CPNE3: variants seen among roughly 807,000 people sequenced by gnomAD.
CPNE3 encodes the protein copine-3.
CPNE3 carries 68 observed loss-of-function variants against 63.9 expected under a neutral mutation model. That is an observed-to-expected ratio of 1.06 (90% CI 0.87 to 1.30). The LOEUF is 1.30. Among genes scored for constraint, CPNE3 ranks in the 50% most tolerant of loss-of-function variants. CPNE3 has a pLI of 0.00. For missense variants in CPNE3, 665 were observed against 578.1 expected, an observed-to-expected ratio of 1.15 and a Z score of -1.54; for synonymous variants, 219 against 197.5, an observed-to-expected ratio of 1.11 and a Z score of -0.91.
chr8:86,544,904 T>G, intron 9 of CPNE3, 66 bp downstream of exon 9: 1 of 925,678 alleles, frequency 1.1e-6, no homozygotes, highest in Non-Finnish European at 1.6e-6. Flanking sequence ...CTGTATTTCA[T>G]TTTTTTCCCA....
In CPNE3 at chr8:86,526,435, A is replaced by G. The variant is rs147201850; in HGVS notation, c.-10-2101A>G. On this transcript the variant is annotated intron_variant, in intron 2 of 16. Transcript: ENST00000517490. ...TCAGACCCTAGAGGCAGATAGTGATAAAATGATAATAAAATGTGAGCACTT... is the reference window on the plus strand; with the variant it reads ...TCAGACCCTAGAGGCAGATAGTGATGAAATGATAATAAAATGTGAGCACTT... Among the ~76,000 whole-genome samples the G allele has an allele frequency of 1.6e-3, 250 of 152,236 alleles. 1 individual carries two copies. The highest frequency in any genetic ancestry group is 5.6e-3 in the African/African-American group (234 of 41,552).
At chr8:86,523,604 G>A (rs1386311962) in intron 2 of CPNE3, among the ~76,000 whole-genome samples, 1 of 152,174 alleles carries the variant, frequency 6.6e-6, no homozygotes, top group African/African-American at 2.4e-5. Flanking sequence ...GTTTTGTTTT[G>A]AGATAGAGTC....
chr8:86,545,042 A>G (rs1821018521), intron 9 of CPNE3: 1 of 315,358 alleles, frequency 3.2e-6, no homozygotes, highest in Non-Finnish European at 5.7e-6. Context: ...CGTAACAGTT[A>G]CTAATGCCAG....
At chr8:86,520,662 C>CTTTT (rs113992927) in intron 2 of CPNE3, among the ~76,000 whole-genome samples, 12 of 140,002 alleles carry the variant, frequency 8.6e-5, no homozygotes, top group Non-Finnish European at 1.7e-4. Flanking sequence ...CCAGGCATTT[C>CTTTT]TTTTTTTTTT....
At chr8:86,555,601 C>A (rs1416645441) in intron 15 of CPNE3, among the ~76,000 whole-genome samples, 1 of 152,142 alleles carries the variant, frequency 6.6e-6, no homozygotes, top group African/African-American at 2.4e-5. Flanking sequence ...TTTTACTGCT[C>A]TCTGAAAAGG....
intron 5 of CPNE3, 58 bp from the exon 6 acceptor site, chr8:86,532,451 A>T: frequency 7.8e-7 from 1 of 1,278,520 alleles, no homozygotes; most frequent in Non-Finnish European, 1.1e-6. Flanking sequence ...ATCAGTGCTT[A>T]AGTGTCTATC....
intron 8 of CPNE3, among the ~76,000 whole-genome samples, chr8:86,541,323 T>C (rs1404750830): frequency 6.6e-6 from 1 of 152,204 alleles, no homozygotes; most frequent in East Asian, 1.9e-4. Flanking sequence ...GAGTTAAGAA[T>C]TTCTACCTTC....
intron 8 of CPNE3, among the ~76,000 whole-genome samples, chr8:86,543,781 A>G (rs1189254228): frequency 6.6e-6 from 1 of 152,136 alleles, no homozygotes; most frequent in African/African-American, 2.4e-5. Context: ...TACATAATAA[A>G]TGTTTGCAGA....
intron 16 of CPNE3, 55 bp downstream of exon 16, chr8:86,556,393 C>T (rs1048873133): frequency 2.3e-6 from 2 of 860,580 alleles, no homozygotes; most frequent in Non-Finnish European, 4.1e-6. Flanking sequence ...CAGACCTTTG[C>T]CCATCTACAA....
intron 4 of CPNE3, among the ~76,000 whole-genome samples, chr8:86,529,813 A>AT (rs201755296): frequency 1.3e-5 from 2 of 151,116 alleles, no homozygotes; most frequent in Non-Finnish European, 3.0e-5. Flanking sequence ...GGGAGGAGTA[A>AT]TTTTTTTTTC....
rs931862319 is a variant in CPNE3, at chr8:86,540,124, G to A, written c.544-121G>A. ...AGGTAGTTTTTTTGTGGAAATAGTTGAGTTGATGAAGAGGTGGAGGACGAA... is the reference window on the plus strand; with the variant it reads ...AGGTAGTTTTTTTGTGGAAATAGTTAAGTTGATGAAGAGGTGGAGGACGAA... On this transcript the variant is annotated intron_variant, in intron 7 of 16. Transcript: ENST00000517490. The A allele has an allele frequency of 1.5e-5, 10 of 659,718 alleles. No individual in the cohort carries two copies. In the African/African-American group the frequency reaches 1.9e-4, roughly 12 times the overall value. The allele number at this position is 659,718 out of a possible 1,614,324, so 40.9% of individuals were successfully genotyped here. A position where few individuals can be genotyped will look rare whatever the true frequency, so the allele number is the denominator to read the frequency against.
At chr8:86,553,727 G>T (rs1030875890) in intron 14 of CPNE3, among the ~76,000 whole-genome samples, 3 of 150,018 alleles carry the variant, frequency 2.0e-5, no homozygotes, top group Non-Finnish European at 4.4e-5. Context: ...AAAAGCAAGA[G>T]ACCTGTTTTG....
chr8:86,554,405 T>C (rs748764399), intron 14 of CPNE3, among the ~76,000 whole-genome samples: 5 of 152,250 alleles, frequency 3.3e-5, no homozygotes, highest in Non-Finnish European at 5.9e-5. Context: ...AGAATTAATA[T>C]TAGGTTTATC....
intron 2 of CPNE3, among the ~76,000 whole-genome samples, chr8:86,527,971 T>TTTTTTTTTG (rs1554600279): frequency 7.0e-6 from 1 of 141,878 alleles, no homozygotes; most frequent in African/African-American, 2.7e-5. Context: ...TTTTTTTTTT[T>TTTTTTTTTG]AGACAGAGTC....
intron 14 of CPNE3, 21 bp downstream of exon 14, chr8:86,551,255 G>A (rs1563699544): frequency 6.6e-7 from 1 of 1,507,544 alleles, no homozygotes; most frequent in Non-Finnish European, 9.2e-7. Context: ...AAATAAACAT[G>A]AAGACTTCAA....
chr8:86,542,285 T>C (rs974324366), intron 8 of CPNE3, among the ~76,000 whole-genome samples: 2 of 152,244 alleles, frequency 1.3e-5, no homozygotes, highest in Non-Finnish European at 2.9e-5. Context: ...TAAAGAGTTA[T>C]AGAGCAGTGA....
At chr8:86,551,345 A>C in intron 14 of CPNE3, 111 bp downstream of exon 14, 6 of 752,736 alleles carry the variant, frequency 8.0e-6, no homozygotes, top group Non-Finnish European at 1.3e-5. Context: ...CTCAAATTTC[A>C]TCTCTAGGTT....
intron 6 of CPNE3, among the ~76,000 whole-genome samples, chr8:86,533,028 C>CTATCT (rs1212573850): frequency 7.4e-6 from 1 of 135,604 alleles, no homozygotes; most frequent in African/African-American, 2.9e-5. Context: ...TCTATCTTAT[C>CTATCT]TATCTATCTA....
At chr8:86,557,176 G>A (rs1468852696) in intron 16 of CPNE3, among the ~76,000 whole-genome samples, 1 of 152,148 alleles carries the variant, frequency 6.6e-6, no homozygotes, top group Non-Finnish European at 1.5e-5. Context: ...TTGAGACAGA[G>A]TCTTGCTCTG....
Sources: gnomAD v4.1 joint callset for allele counts (sites outside exome capture counted in the v4.1 genomes callset) on GRCh38, gnomAD v4.1.1 for gene constraint, MANE v1.5 for transcripts, NCBI Gene and HGNC (gene_info 2026-07-23, HGNC 2026-07-21) for gene names.